Variants in GHR observed in about 807,000 individuals in gnomAD.
The protein encoded by GHR is growth hormone receptor.
Under a neutral mutation model 67.1 loss-of-function variants are expected in GHR, and 35 were observed. The observed-to-expected ratio is 0.52, with a 90% CI of 0.40 to 0.69. GHR has a LOEUF of 0.69. GHR is among the 30% of genes least tolerant of loss of function. The pLI is 0.00. For synonymous variants in GHR, 272 were observed against 269.1 expected (o/e 1.01, Z -0.10); for missense variants, 792 against 764.6 (o/e 1.04, Z -0.42).
At chr5:42,678,986 TATA>T (rs1437147519) in intron 3 of GHR, among the ~76,000 whole-genome samples, 2 of 146,868 alleles carry the variant, frequency 1.4e-5, no homozygotes, top group African/African-American at 4.9e-5. Flanking sequence ...ATATTAATAA[TATA>T]ATTAATATGA....
chr5:42,534,454 G>T (rs1205077999), intron 1 of GHR, among the ~76,000 whole-genome samples: 2 of 139,998 alleles, frequency 1.4e-5, no homozygotes, highest in Non-Finnish European at 3.1e-5. Context: ...GTGTATATAT[G>T]TATGTATATA....
chr5:42,448,386 A>G (rs1743904312), intron 1 of GHR, among the ~76,000 whole-genome samples: 1 of 151,866 alleles, frequency 6.6e-6, no homozygotes, highest in African/African-American at 2.4e-5. Context: ...GGGCATTCGT[A>G]TATCTTCTTT....
chr5:42,705,502 C>T (rs1310052559), intron 6 of GHR, among the ~76,000 whole-genome samples: 1 of 151,966 alleles, frequency 6.6e-6, no homozygotes, highest in Non-Finnish European at 1.5e-5. Context: ...ATTTCATCAC[C>T]AGGTAATAAG....
intron 1 of GHR, among the ~76,000 whole-genome samples, chr5:42,478,026 G>A (rs1042710481): frequency 2.6e-5 from 4 of 151,838 alleles, no homozygotes; most frequent in Non-Finnish European, 4.4e-5. Context: ...GGTCTAACAT[G>A]TAAGTCTTTA....
intron 3 of GHR, chr5:42,646,336 G>A (rs1183628867): frequency 2.2e-6 from 1 of 454,680 alleles, no homozygotes; most frequent in Non-Finnish European, 4.4e-6. Flanking sequence ...TTGCAGGATG[G>A]GGTCCATGCT....
intron 1 of GHR, among the ~76,000 whole-genome samples, chr5:42,455,428 C>T (rs2112020043): frequency 6.6e-6 from 1 of 152,268 alleles, no homozygotes; most frequent in Middle Eastern, 3.4e-3. Flanking sequence ...TTTCTTCTGT[C>T]CCCAATCCTT....
At chr5:42,670,003 T>A (rs1238009289) in intron 3 of GHR, among the ~76,000 whole-genome samples, 1 of 152,136 alleles carries the variant, frequency 6.6e-6, no homozygotes, top group Non-Finnish European at 1.5e-5. Flanking sequence ...AGTCATTCTT[T>A]ATAGCAGTAG....
In GHR at chr5:42,424,171, AGTGTGTGTGTGTGTGTGTGTGTGTGTGT is replaced by A. The variant is rs1158830359; in HGVS notation, c.-12+237_-12+264del. ...CTGGTGGGTTGTTGTAACCCAATCTAGTGTGTGTGTGTGTGTGTGTGTGTGTGTGTGTGTGTGTGTGTGTGTGTCTGGA... is the reference window on the plus strand; with the variant it reads ...CTGGTGGGTTGTTGTAACCCAATCTAGTGTGTGTGTGTGTGTGTGTCTGGA... On this transcript the variant is annotated intron_variant, in intron 1 of 9. Coordinates refer to ENST00000230882, the MANE Select transcript of GHR (RefSeq NM_000163.5). The surrounding 1 kb of genome is among the most constrained non-coding windows in gnomAD (Gnocchi z 4.1). 9.9e-6 allele frequency among the ~76,000 whole-genome samples: 1 copy of A among 100,512 alleles called. No homozygotes were observed. Among genetic ancestry groups the A allele is most frequent in the Non-Finnish European group, 2.0e-5 (1 of 50,402 alleles). The allele number at this position is 100,512 out of a possible 152,430, so 65.9% of individuals were successfully genotyped here. A position where few individuals can be genotyped will look rare whatever the true frequency, so the allele number is the denominator to read the frequency against.
intron 2 of GHR, among the ~76,000 whole-genome samples, chr5:42,605,087 C>T (rs567410242): frequency 7.1e-6 from 1 of 140,398 alleles, no homozygotes; most frequent in Admixed American, 7.0e-5. Context: ...ATTTGTGGTG[C>T]CTCTTTTTTT....
intron 3 of GHR, among the ~76,000 whole-genome samples, chr5:42,650,291 T>C (rs921342688): frequency 2.0e-5 from 3 of 152,088 alleles, no homozygotes; most frequent in African/African-American, 7.2e-5. Flanking sequence ...ATATTCACTA[T>C]CCCAGTCATC....
chr5:42,703,250 G>A (rs1379419345), intron 6 of GHR, among the ~76,000 whole-genome samples: 2 of 151,808 alleles, frequency 1.3e-5, no homozygotes, highest in South Asian at 2.1e-4. Context: ...GTAAAATAAG[G>A]GTATAATTTC....
intron 3 of GHR, among the ~76,000 whole-genome samples, chr5:42,652,763 A>G (rs1017529727): frequency 1.3e-4 from 20 of 152,156 alleles, no homozygotes; most frequent in African/African-American, 4.3e-4. Context: ...CCTCTTTAAC[A>G]GATAAAGAGA....
chr5:42,479,772 C>A (rs531269992), intron 1 of GHR, among the ~76,000 whole-genome samples: 5 of 152,060 alleles, frequency 3.3e-5, no homozygotes, highest in Admixed American at 6.6e-5. Flanking sequence ...TGATTATTCT[C>A]TCTTTTCTTC....
At chr5:42,707,212 A>G (rs935770104) in intron 6 of GHR, among the ~76,000 whole-genome samples, 6 of 151,924 alleles carry the variant, frequency 3.9e-5, no homozygotes, top group Admixed American at 3.9e-4. Flanking sequence ...CTTTTACTCC[A>G]CATACCGCCC....
chr5:42,572,801 A>G (rs1337314420), intron 2 of GHR, among the ~76,000 whole-genome samples: 3 of 152,188 alleles, frequency 2.0e-5, no homozygotes, highest in Admixed American at 2.0e-4. Flanking sequence ...TCTTAACCAC[A>G]GGGGAAATGT....
rs1746164455 is a variant in GHR at position 42,492,657 on chromosome 5, A to C, written c.-12+68702A>C. Among the ~76,000 whole-genome samples, 3 of 152,244 alleles carry C rather than the reference A, an allele frequency of 2.0e-5. No individual in the cohort carries two copies. In the South Asian group the frequency reaches 6.2e-4, roughly 31 times the overall value. On this transcript the variant is annotated intron_variant, in intron 1 of 9. Transcript: ENST00000230882. ...CTAACATTAGCAAAGGTTGATTATA[A>C]ATCAGATTTTATTTTTACTACTGAT...
rs202084021 is a variant in GHR, at chr5:42,707,219, G to GC, written c.619-3981dup. Among the ~76,000 whole-genome samples, 7 of 151,322 alleles carry GC rather than the reference G, an allele frequency of 4.6e-5. No homozygotes were observed. In the East Asian group the frequency reaches 5.8e-4, roughly 13 times the overall value. On this transcript the variant is annotated intron_variant, in intron 6 of 9. Transcript: ENST00000230882. ...ACTCTACACTTTTACTCCACATACC[G>GC]CCCCCCCAAACACATTTTAAATTTT...
chr5:42,602,461 C>T (rs1023992924), intron 2 of GHR, among the ~76,000 whole-genome samples: 1 of 152,144 alleles, frequency 6.6e-6, no homozygotes, highest in African/African-American at 2.4e-5. Context: ...ATTCTTTACC[C>T]ATTCAGCCAT....
At chr5:42,540,525 T>C (rs1748459836) in intron 1 of GHR, among the ~76,000 whole-genome samples, 1 of 152,170 alleles carries the variant, frequency 6.6e-6, no homozygotes, top group African/African-American at 2.4e-5. Context: ...AACATAAGCC[T>C]AAAACCTCTC....
Sources: gnomAD v4.1 joint callset for allele counts (sites outside exome capture counted in the v4.1 genomes callset) on GRCh38, gnomAD v4.1.1 for gene constraint, Gnocchi (gnomAD v3.1) non-coding constraint, MANE v1.5 for transcripts, NCBI Gene and HGNC (gene_info 2026-07-23, HGNC 2026-07-21) for gene names.